GRM4: variants seen among roughly 807,000 people sequenced by gnomAD.
GRM4 encodes glutamate metabotropic receptor 4.
In GRM4, 28 loss-of-function variants were observed where a neutral mutation model predicts 81.7. The ratio of observed to expected loss-of-function variants is 0.34; its 90% CI spans 0.25 to 0.47. The LOEUF (loss-of-function observed/expected upper bound fraction) is 0.47, where lower values mean the gene tolerates loss of function less well. Ranked by LOEUF, GRM4 falls within the 20% of genes least tolerant of loss-of-function variation. GRM4 has a pLI of 1.00. For missense variants in GRM4, 948 were observed against 1,290.0 expected, an observed-to-expected ratio of 0.73 and a Z score of 4.06; for synonymous variants, 488 against 528.8, an observed-to-expected ratio of 0.92 and a Z score of 1.06.
intron 10 of GRM4, among the ~76,000 whole-genome samples, chr6:34,026,378 C>T (rs1764133804): frequency 6.6e-6 from 1 of 152,096 alleles, no homozygotes; most frequent in Non-Finnish European, 1.5e-5. Flanking sequence ...GCCCTTCACA[C>T]AGGAGGTGGG....
chr6:34,109,743 A>G (rs758087390), intron 2 of GRM4, among the ~76,000 whole-genome samples: 1 of 152,066 alleles, frequency 6.6e-6, no homozygotes, highest in Non-Finnish European at 1.5e-5. Context: ...CTCCTGCAAC[A>G]GGCAGCTCAC....
In GRM4 at chr6:34,130,241, C is replaced by T. The variant is rs1770183872; in HGVS notation, c.519+2737G>A. ...TTGTCACCAGCCTGGAACATTAAGG[C>T]TGTTAAAAGGGACCCAGGGAATGCA... On this transcript the variant is annotated intron_variant, in intron 2 of 10. Transcript: ENST00000538487. This position sits in a 1 kb window ranked among gnomAD's most constrained non-coding sequence, Gnocchi z 4.1. Among the ~76,000 whole-genome samples the T allele has an allele frequency of 6.6e-6, 1 of 152,228 alleles. No individual in the cohort carries two copies. The highest frequency in any genetic ancestry group is 2.4e-5 in the African/African-American group (1 of 41,460).
chr6:34,122,891 G>A (rs937152519), intron 2 of GRM4, among the ~76,000 whole-genome samples: 1 of 152,212 alleles, frequency 6.6e-6, no homozygotes, highest in Non-Finnish European at 1.5e-5. Flanking sequence ...GGGAAGGTCA[G>A]TTAAGTCCTG....
intron 3 of GRM4, among the ~76,000 whole-genome samples, chr6:34,083,523 C>T (rs1220927146): frequency 2.0e-5 from 3 of 152,172 alleles, no homozygotes; most frequent in Admixed American, 6.5e-5. Context: ...AATTTCCACC[C>T]GCAGCAGAGT....
At chr6:34,066,376 A>G (rs1482599558) in intron 3 of GRM4, among the ~76,000 whole-genome samples, 1 of 152,188 alleles carries the variant, frequency 6.6e-6, no homozygotes, top group Non-Finnish European at 1.5e-5. Context: ...AACAGTTCTC[A>G]TGTGTCAACA....
chr6:34,119,170 TG>T, intron 2 of GRM4, among the ~76,000 whole-genome samples: 1 of 151,812 alleles, frequency 6.6e-6, no homozygotes, highest in East Asian at 1.9e-4. Flanking sequence ...CCAAGGCGGG[TG>T]GATCATTTGA....
chr6:34,092,039 A>C lies in GRM4; in HGVS notation c.580T>G (p.Phe194Val). 1.2e-6 allele frequency: 2 copies of C among 1,614,004 alleles called. No individual in the cohort carries two copies. Among genetic ancestry groups the C allele is most frequent in the Non-Finnish European group, 1.7e-6 (2 of 1,179,886 alleles). ...PDLSDNSRYD[F>V]FSRVVPSDTY... ...TCCGAGGGCACCACGCGGGAGAAGA[A>C]GTCGTAGCGGCTGTTGTCACTCAGG... The change falls in exon 3 of 11, where the codon TTC becomes GTC. Residue 194 changes from phenylalanine (F) to valine (V), a missense_variant. Physicochemically the swap from Phe to Val is conservative, Grantham distance 50. Coordinates refer to ENST00000538487, the MANE Select transcript of GRM4 (RefSeq NM_000841.4). This position sits in a 1 kb window ranked among gnomAD's most constrained non-coding sequence, Gnocchi z 6.8.
chr6:34,094,705 G>A lies in GRM4; in HGVS notation c.520-2606C>T, dbSNP rs534988765. On this transcript the variant is annotated intron_variant, in intron 2 of 10. Coordinates refer to ENST00000538487, the MANE Select transcript of GRM4 (RefSeq NM_000841.4). ...CCTCTGCTGGGCCCTAGCCAGGAGC[G>A]ATCATCACCTGCCTGCCTCCACGCC... 8.5e-5 allele frequency among the ~76,000 whole-genome samples: 13 copies of A among 152,268 alleles called. No homozygotes were observed. The East Asian group carries it at 1.7e-3, about 20-fold the overall frequency.
chr6:34,065,470 G>A (rs555534487), intron 3 of GRM4, among the ~76,000 whole-genome samples: 1 of 152,262 alleles, frequency 6.6e-6, no homozygotes, highest in African/African-American at 2.4e-5. Context: ...CGTATCTCAG[G>A]GCAGAGGCTG....
At chr6:34,025,496 G>C (rs538735891) in intron 10 of GRM4, among the ~76,000 whole-genome samples, 3 of 152,178 alleles carry the variant, frequency 2.0e-5, no homozygotes. Flanking sequence ...AAAGTGTAGA[G>C]AGGAAGGACC....
intron 10 of GRM4, among the ~76,000 whole-genome samples, chr6:34,023,755 C>T (rs1301175948): frequency 1.3e-5 from 2 of 152,204 alleles, no homozygotes; most frequent in African/African-American, 4.8e-5. Flanking sequence ...GAGTGCAGAC[C>T]CCACAGCAGC....
rs80229732 is a variant in GRM4 at position 34,105,556 on chromosome 6, G to T, written c.520-13457C>A. ...CTGTCCTGCCTCCTCTCCCTGATCC[G>T]ACCCTGGTGGTCCCCAGGGCTCAGC... On this transcript the variant is annotated intron_variant, in intron 2 of 10. Transcript: ENST00000538487. Among the ~76,000 whole-genome samples, 532 of 152,050 alleles carry T rather than the reference G, an allele frequency of 3.5e-3. 8 individuals carry two copies. Among genetic ancestry groups the T allele is most frequent in the African/African-American group, 0.012 (496 of 41,458 alleles).
At chr6:34,037,577 A>G (rs746113537) in intron 8 of GRM4, among the ~76,000 whole-genome samples, 6 of 152,074 alleles carry the variant, frequency 3.9e-5, no homozygotes, top group Non-Finnish European at 8.8e-5. Context: ...AGAATAAAGG[A>G]AAAGGGGCCA....
chr6:34,101,883 C>A, intron 2 of GRM4: 2 of 683,142 alleles, frequency 2.9e-6, no homozygotes, highest in Admixed American at 3.0e-5. Context: ...GATCACCAAC[C>A]CCACACGAGG....
At chr6:34,062,121 G>T (rs1292673970) in intron 3 of GRM4, 93 bp from the exon 4 acceptor site, 4 of 1,367,198 alleles carry the variant, frequency 2.9e-6, no homozygotes, top group African/African-American at 1.4e-5. Flanking sequence ...TGGGGGCTGG[G>T]TGCTGCCCAG....
Position 34,036,615 on chromosome 6 carries a change from A to G in GRM4, c.1507-12T>C. 2 of 1,456,866 alleles carry G rather than the reference A, an allele frequency of 1.4e-6. No individual in the cohort carries two copies. The highest frequency in any genetic ancestry group is 9.4e-7 in the Non-Finnish European group (1 of 1,065,954). The allele number at this position is 1,456,866 out of a possible 1,614,324, so 90.2% of individuals were successfully genotyped here. A position where few individuals can be genotyped will look rare whatever the true frequency, so the allele number is the denominator to read the frequency against. ...TGCATCCGCTCTATCTGGCAATGAC[A>G]GCACCGTAAAGCAGGCCTCAGAACA... On this transcript the variant is annotated splice_polypyrimidine_tract_variant and intron_variant, in intron 8 of 10. Transcript: ENST00000538487. This position sits in a 1 kb window ranked among gnomAD's most constrained non-coding sequence, Gnocchi z 9.0.
chr6:34,133,460 G>A lies in GRM4; in HGVS notation c.37C>T (p.Arg13Trp), dbSNP rs373450550. The change falls in exon 2 of 11, where the codon CGG becomes TGG. Residue 13 changes from arginine to tryptophan, a missense_variant. Physicochemically the swap from Arg to Trp is moderately radical, Grantham distance 101 (BLOSUM62 -3). Transcript: ENST00000538487. This position sits in a 1 kb window ranked among gnomAD's most constrained non-coding sequence, Gnocchi z 6.5. Reference protein sequence around the residue: ...GKRGLGWWWARLPLCLLLSLY... With the variant: ...GKRGLGWWWAWLPLCLLLSLY... The stretch of plus-strand genomic sequence containing the variant: ...CTGAGGAGCAGGCAAAGGGGCAGCC[G>A]GGCCCACCACCAGCCCAAGCCTCTC... 86 of 1,595,712 alleles carry A rather than the reference G, an allele frequency of 5.4e-5. No individual in the cohort carries two copies. Among genetic ancestry groups the A allele is most frequent in the South Asian group, 7.9e-5 (7 of 88,174 alleles).
chr6:34,032,523 C>A (rs1324097077), intron 9 of GRM4, among the ~76,000 whole-genome samples: 1 of 152,210 alleles, frequency 6.6e-6, no homozygotes, highest in East Asian at 1.9e-4. Flanking sequence ...TCCTCCACCG[C>A]CTCCCGTTCA....
At position 34,068,680 on chromosome 6, in the gene GRM4, GA is replaced by G. The variant is rs1766615681; in HGVS notation, c.737-6653del. On this transcript the variant is annotated intron_variant, in intron 3 of 10. Coordinates refer to ENST00000538487, the MANE Select transcript of GRM4 (RefSeq NM_000841.4). The surrounding 1 kb of genome is among the most constrained non-coding windows in gnomAD (Gnocchi z 4.2). ...GCAGTCAGCCTGGGCGGGCTGAAAG[GA>G]AAGGCCTCCCGTAAGAGGAGCCGGC... is the stretch of plus-strand genomic sequence containing the variant. Among the ~76,000 whole-genome samples, 6 of 152,216 alleles carry G rather than the reference GA, an allele frequency of 3.9e-5. No individual in the cohort carries two copies. Among genetic ancestry groups the G allele is most frequent in the African/African-American group, 1.4e-4 (6 of 41,452 alleles).
Sources: gnomAD v4.1 joint callset for allele counts (sites outside exome capture counted in the v4.1 genomes callset) on GRCh38, gnomAD v4.1.1 for gene constraint, Gnocchi (gnomAD v3.1) non-coding constraint, MANE v1.5 for transcripts, NCBI Gene and HGNC (gene_info 2026-07-23, HGNC 2026-07-21) for gene names.